The following LYPD6B variants were observed in gnomAD, a reference collection of about 807,000 sequenced individuals.
LYPD6B encodes ly6/PLAUR domain-containing protein 6B.
In LYPD6B, 17 loss-of-function variants were observed where a neutral mutation model predicts 22.8. The ratio of observed to expected loss-of-function variants is 0.75; its 90% CI spans 0.51 to 1.12. The LOEUF (loss-of-function observed/expected upper bound fraction) is 1.12, where lower values mean the gene tolerates loss of function less well. LYPD6B is among the 50% of genes most tolerant of loss of function. The pLI, the probability that LYPD6B is intolerant of heterozygous loss-of-function variation, is 0.00. For missense variants in LYPD6B, 221 were observed against 258.3 expected (o/e 0.86, Z 0.99); for synonymous variants, 106 against 91.6 (o/e 1.16, Z -0.90).
intron 1 of LYPD6B, among the ~76,000 whole-genome samples, chr2:149,088,524 TC>T (rs1280639850): frequency 6.6e-6 from 1 of 152,204 alleles, no homozygotes; most frequent in Non-Finnish European, 1.5e-5. Context: ...AAAGTGCTGC[TC>T]TCCAGGAGCA....
intron 2 of LYPD6B, among the ~76,000 whole-genome samples, chr2:149,133,102 A>G (rs768343952): frequency 3.9e-5 from 6 of 152,198 alleles, no homozygotes; most frequent in Admixed American, 6.5e-5. Context: ...AAAGGGTCCC[A>G]CAGACTCATA....
At chr2:149,124,507 A>C (rs1367823471) in intron 1 of LYPD6B, among the ~76,000 whole-genome samples, 2 of 152,142 alleles carry the variant, frequency 1.3e-5, no homozygotes, top group Non-Finnish European at 2.9e-5. Flanking sequence ...TGCATGCTGG[A>C]GTAGCTCAGC....
intron 1 of LYPD6B, among the ~76,000 whole-genome samples, chr2:149,065,748 G>T (rs550498633): frequency 6.6e-6 from 1 of 152,280 alleles, no homozygotes; most frequent in Admixed American, 6.5e-5. Context: ...TTGCTCTGAT[G>T]CCCAGGTTGA....
chr2:149,136,891 T>C (rs1000366518), intron 2 of LYPD6B, among the ~76,000 whole-genome samples: 1 of 152,230 alleles, frequency 6.6e-6, no homozygotes, highest in Non-Finnish European at 1.5e-5. Context: ...GATTGGTTTT[T>C]GCTCTGTATA....
intron 1 of LYPD6B, among the ~76,000 whole-genome samples, chr2:149,066,205 T>C (rs1034765487): frequency 1.3e-5 from 2 of 152,084 alleles, no homozygotes; most frequent in African/African-American, 4.8e-5. Flanking sequence ...ACTTTAAGTT[T>C]TAGGGTACAT....
chr2:149,205,459 A>G lies in LYPD6B; in HGVS notation c.229+55A>G, dbSNP rs1488809346. On this transcript the variant is annotated intron_variant, in intron 4 of 6. Coordinates refer to ENST00000409642, the MANE Select transcript of LYPD6B (RefSeq NM_177964.5). Reference sequence around the variant, plus strand: ...ATGGCTGTGGGGCCAGAGTGTTAATATGAAGCCCCCTTTTCCATTTATTGT... The same window carrying G: ...ATGGCTGTGGGGCCAGAGTGTTAATGTGAAGCCCCCTTTTCCATTTATTGT... The G allele has an allele frequency of 3.2e-6, 5 of 1,550,866 alleles. No individual in the cohort carries two copies. In the South Asian group the frequency reaches 4.7e-5, roughly 15 times the overall value.
intron 1 of LYPD6B, among the ~76,000 whole-genome samples, chr2:149,072,929 A>T (rs1423713198): frequency 6.6e-6 from 1 of 152,174 alleles, no homozygotes; most frequent in African/African-American, 2.4e-5. Context: ...GAAGGTACTT[A>T]TGGGGAGAGA....
chr2:149,155,302 T>C (rs1484216119), intron 2 of LYPD6B, among the ~76,000 whole-genome samples: 1 of 152,182 alleles, frequency 6.6e-6, no homozygotes, highest in East Asian at 1.9e-4. Flanking sequence ...CTGTCTTATC[T>C]AAATGGTTTG....
chr2:149,046,660 T>C (rs1326974664), intron 1 of LYPD6B, among the ~76,000 whole-genome samples: 1 of 152,144 alleles, frequency 6.6e-6, no homozygotes, highest in Non-Finnish European at 1.5e-5. Flanking sequence ...TTCTTACCTA[T>C]GCCTCTTTAC....
intron 1 of LYPD6B, among the ~76,000 whole-genome samples, chr2:149,122,340 A>G (rs1166380716): frequency 6.6e-6 from 1 of 151,500 alleles, no homozygotes; most frequent in South Asian, 2.1e-4. Flanking sequence ...TCCAGCTCCT[A>G]ACCCCACCCC....
intron 2 of LYPD6B, among the ~76,000 whole-genome samples, chr2:149,154,366 A>G (rs2105846184): frequency 1.3e-5 from 2 of 152,218 alleles, no homozygotes; most frequent in East Asian, 3.9e-4. Context: ...AGGAGGAGAG[A>G]GGGCTGGAAC....
chr2:149,108,352 C>A (rs756559304), intron 1 of LYPD6B, among the ~76,000 whole-genome samples: 13 of 152,210 alleles, frequency 8.5e-5, no homozygotes, highest in Non-Finnish European at 1.6e-4. Context: ...TACACCCTTG[C>A]AGTTCAATGA....
intron 3 of LYPD6B, among the ~76,000 whole-genome samples, chr2:149,175,049 C>CTGTGTG (rs1471965256): frequency 2.2e-5 from 3 of 135,558 alleles, no homozygotes; most frequent in Non-Finnish European, 4.8e-5. Flanking sequence ...CTCTCTCTCT[C>CTGTGTG]TCTCTCTCTC....
intron 3 of LYPD6B, among the ~76,000 whole-genome samples, chr2:149,193,513 G>A (rs1692623661): frequency 6.6e-6 from 1 of 152,092 alleles, no homozygotes; most frequent in African/African-American, 2.4e-5. Context: ...GTAGCAGGGA[G>A]TAGAAGAGGG....
intron 2 of LYPD6B, among the ~76,000 whole-genome samples, chr2:149,156,780 G>C (rs999010769): frequency 5.9e-5 from 9 of 152,110 alleles, no homozygotes; most frequent in African/African-American, 2.2e-4. Context: ...AATCTGGTGT[G>C]GTGTGGTTGG....
chr2:149,203,625 G>T (rs10181610), intron 3 of LYPD6B, among the ~76,000 whole-genome samples: 48,939 of 152,094 alleles, frequency 0.32, 8,008 homozygotes, highest in African/African-American at 0.38. Context: ...ATATATATTT[G>T]TATATATCAC....
chr2:149,148,564 C>T (rs1234717348), intron 2 of LYPD6B, among the ~76,000 whole-genome samples: 2 of 152,352 alleles, frequency 1.3e-5, no homozygotes, highest in Non-Finnish European at 1.5e-5. Flanking sequence ...CAGGCTCATA[C>T]ATTTTTGGCC....
chr2:149,120,784 C>CTT (rs567231544), intron 1 of LYPD6B, among the ~76,000 whole-genome samples: 1,230 of 95,462 alleles, frequency 0.013, 88 homozygotes, highest in African/African-American at 0.019. Context: ...GCTACAAAGT[C>CTT]TTTTTTTTTT....
Position 149,148,385 on chromosome 2 carries a change from G to A in LYPD6B, c.6-12379G>A, listed in dbSNP as rs566048924. Among the ~76,000 whole-genome samples the A allele has an allele frequency of 3.3e-5, 5 of 152,254 alleles. No homozygotes were observed. In the East Asian group the frequency reaches 9.7e-4, roughly 29 times the overall value. ...ACAAGAGATTAAAGGAGTGAAATTC[G>A]GATCTTTGCCAAACTACAGATGTTG... On this transcript the variant is annotated intron_variant, in intron 2 of 6. Transcript: ENST00000409642.
Sources: gnomAD v4.1 joint callset for allele counts (sites outside exome capture counted in the v4.1 genomes callset) on GRCh38, gnomAD v4.1.1 for gene constraint, MANE v1.5 for transcripts, NCBI Gene and HGNC (gene_info 2026-07-23, HGNC 2026-07-21) for gene names.